The following STK32A variants were observed in gnomAD, a reference collection of about 807,000 sequenced individuals.
STK32A encodes serine/threonine-protein kinase 32A.
STK32A carries 41 observed loss-of-function variants against 53.2 expected under a neutral mutation model. That is an observed-to-expected ratio of 0.77 (90% CI 0.60 to 1.00). The LOEUF is 1.00. Among genes scored for constraint, STK32A ranks in the 50% least tolerant of loss-of-function variants. The pLI is 0.00. For missense variants in STK32A, 458 were observed against 485.8 expected (o/e 0.94, Z 0.54); for synonymous variants, 166 against 162.8 (o/e 1.02, Z -0.15).
intron 3 of STK32A, among the ~76,000 whole-genome samples, chr5:147,278,811 T>G (rs1302241236): frequency 6.6e-6 from 1 of 152,212 alleles, no homozygotes; most frequent in African/African-American, 2.4e-5. Context: ...ATATTTAGTG[T>G]TTTTCCAGTC....
intron 2 of STK32A, among the ~76,000 whole-genome samples, chr5:147,248,095 G>A (rs1015920846): frequency 1.3e-5 from 2 of 148,792 alleles, no homozygotes; most frequent in African/African-American, 5.0e-5. Flanking sequence ...CACTCCAGCC[G>A]GGGCAACAAG....
At chr5:147,351,021 T>A in intron 6 of STK32A, 44 bp from the exon 7 acceptor site, 1 of 1,556,856 alleles carries the variant, frequency 6.4e-7, no homozygotes, top group Non-Finnish European at 8.9e-7. Context: ...TGCCACTGGG[T>A]TGAATGGGAC....
intron 4 of STK32A, among the ~76,000 whole-genome samples, chr5:147,289,167 T>C (rs889741260): frequency 6.6e-6 from 1 of 152,058 alleles, no homozygotes; most frequent in African/African-American, 2.4e-5. Context: ...TGTTTTGTTT[T>C]GTTTTCTATC....
the STK32A span, chr5:147,393,735 C>T: frequency 2.8e-6 from 1 of 352,516 alleles, no homozygotes; most frequent in Non-Finnish European, 5.4e-6. Context: ...TGCAGCACTA[C>T]ACACGCTCTC....
chr5:147,362,965 G>T (rs1273885641), intron 8 of STK32A, among the ~76,000 whole-genome samples: 1 of 151,646 alleles, frequency 6.6e-6, no homozygotes, highest in Non-Finnish European at 1.5e-5. Context: ...GCAAGCCAGT[G>T]GTCCCAACTA....
chr5:147,370,791 T>C lies in STK32A; in HGVS notation c.777+21T>C, dbSNP rs769334942. 2.6e-6 allele frequency: 4 copies of C among 1,514,274 alleles called. No individual in the cohort carries two copies. The South Asian group carries it at 4.5e-5, about 17-fold the overall frequency. 93.8% of individuals were successfully genotyped at this position (1,514,274 alleles called of 1,614,324 possible). On this transcript the variant is annotated intron_variant, in intron 9 of 12. Transcript: ENST00000397936. ...AAAAGGTAAGAAGGAAGACTGCATG[T>C]CCAAACGAAGTAACAAAAGGAAGCA... is the stretch of plus-strand genomic sequence containing the variant.
At chr5:147,307,773 T>C (rs948331484) in intron 4 of STK32A, among the ~76,000 whole-genome samples, 1 of 152,176 alleles carries the variant, frequency 6.6e-6, no homozygotes, top group Admixed American at 6.5e-5. Context: ...AAATAAGTAA[T>C]TGACCCTTAG....
chr5:147,303,165 G>C (rs1370874582), intron 4 of STK32A, among the ~76,000 whole-genome samples: 1 of 152,158 alleles, frequency 6.6e-6, no homozygotes, highest in Non-Finnish European at 1.5e-5. Flanking sequence ...GTATAGACGT[G>C]CTTTTAGATT....
chr5:147,380,900 T>A (rs74478553), intron 11 of STK32A, among the ~76,000 whole-genome samples: 2,782 of 152,334 alleles, frequency 0.018, 34 homozygotes, highest in Non-Finnish European at 0.03. Flanking sequence ...TGTTGTTTTT[T>A]AAATATGTAT....
intron 5 of STK32A, among the ~76,000 whole-genome samples, chr5:147,326,853 C>T (rs533197445): frequency 3.6e-4 from 55 of 152,184 alleles, no homozygotes; most frequent in African/African-American, 1.3e-3. Context: ...CCTATGTCAA[C>T]ATCATTAAGG....
At chr5:147,397,896 A>AC in the STK32A span, 1 of 791,506 alleles carries the variant, frequency 1.3e-6, no homozygotes, top group Non-Finnish European at 1.8e-6. Context: ...AGAAAGAGGA[A>AC]CGTACCTTCT....
chr5:147,317,820 A>T lies in STK32A; in HGVS notation c.261-6078A>T, dbSNP rs528189425. Among the ~76,000 whole-genome samples the T allele has an allele frequency of 3.1e-3, 472 of 152,294 alleles. 3 individuals carry two copies. The highest frequency in any genetic ancestry group is 0.011 in the African/African-American group (450 of 41,582). On this transcript the variant is annotated intron_variant, in intron 4 of 12. Coordinates refer to ENST00000397936, the MANE Select transcript of STK32A (RefSeq NM_001112724.2). ...AAAAGTTTACAAAACAATCAGAAAA[A>T]ATAAAAAAGATTGAGGATCTCAGGA...
chr5:147,389,266 C>T (rs550791544), downstream of STK32A, among the ~76,000 whole-genome samples: 3 of 152,164 alleles, frequency 2.0e-5, no homozygotes, highest in African/African-American at 2.4e-5. Flanking sequence ...TGCAAGCTTG[C>T]GAATGGTGCC....
At chr5:147,308,676 A>T (rs911437763) in intron 4 of STK32A, among the ~76,000 whole-genome samples, 6 of 151,268 alleles carry the variant, frequency 4.0e-5, no homozygotes, top group African/African-American at 1.2e-4. Flanking sequence ...CTATTTGTAG[A>T]TATCCTTTAT....
intron 4 of STK32A, among the ~76,000 whole-genome samples, chr5:147,289,046 A>G (rs1042142164): frequency 1.6e-4 from 25 of 152,178 alleles, no homozygotes; most frequent in African/African-American, 6.0e-4. Context: ...CATTGTGGAC[A>G]TCCAAAGGAC....
At chr5:147,276,090 C>CT (rs1489829889) in intron 2 of STK32A, among the ~76,000 whole-genome samples, 4 of 152,172 alleles carry the variant, frequency 2.6e-5, no homozygotes, top group Admixed American at 1.3e-4. Context: ...TCCTGGTCAG[C>CT]TTTTTTTAAC....
intron 5 of STK32A, among the ~76,000 whole-genome samples, chr5:147,327,257 C>T (rs145048140): frequency 5.3e-5 from 8 of 152,312 alleles, no homozygotes; most frequent in Admixed American, 2.6e-4. Context: ...CTTCTGAATA[C>T]TGTAATTCTT....
chr5:147,319,439 G>A (rs1310430088), intron 4 of STK32A, among the ~76,000 whole-genome samples: 1 of 152,138 alleles, frequency 6.6e-6, no homozygotes, highest in Non-Finnish European at 1.5e-5. Flanking sequence ...ACTGTGCCTG[G>A]CCACAATGGG....
intron 3 of STK32A, 29 bp downstream of exon 3, chr5:147,278,208 C>T (rs1297053132): frequency 1.3e-6 from 2 of 1,571,084 alleles, no homozygotes. Flanking sequence ...GATTAACCAC[C>T]AGCAGGGTTA....
Sources: allele counts gnomAD v4.1 joint callset (sites outside exome capture counted in the v4.1 genomes callset), GRCh38; gene constraint gnomAD v4.1.1; transcripts MANE v1.5; gene names NCBI Gene and HGNC (gene_info 2026-07-23, HGNC 2026-07-21).